Variants in SGCE observed in about 807,000 individuals in gnomAD.
The protein encoded by SGCE is epsilon-sarcoglycan.
In SGCE, 26 loss-of-function variants were observed where a neutral mutation model predicts 57.8. The ratio of observed to expected loss-of-function variants is 0.45; its 90% CI spans 0.33 to 0.62. SGCE has a LOEUF of 0.62. Ranked by LOEUF, SGCE falls within the 20% of genes least tolerant of loss-of-function variation. SGCE has a pLI of 0.02. For missense variants in SGCE, 468 were observed against 548.6 expected (o/e 0.85, Z 1.47); for synonymous variants, 183 against 189.5 (o/e 0.97, Z 0.28).
intron 2 of SGCE, 23 bp downstream of exon 2, chr7:94,629,696 T>C (rs1804365120): frequency 1.9e-6 from 3 of 1,610,116 alleles, no homozygotes; most frequent in Admixed American, 3.3e-5. Flanking sequence ...TTAACTGCTT[T>C]TTTTTCCTCA....
intron 9 of SGCE, among the ~76,000 whole-genome samples, chr7:94,592,203 C>T (rs1797782184): frequency 6.6e-6 from 1 of 152,148 alleles, no homozygotes; most frequent in African/African-American, 2.4e-5. Flanking sequence ...ATATTTAAAA[C>T]TGTGTATTTC....
intron 1 of SGCE, among the ~76,000 whole-genome samples, chr7:94,645,801 A>C (rs1335797880): frequency 6.6e-6 from 1 of 152,188 alleles, no homozygotes; most frequent in Non-Finnish European, 1.5e-5. Context: ...GATGTCCCCC[A>C]AAAATGAAAA....
At chr7:94,628,687 G>A (rs1047707704) in intron 2 of SGCE, 2 of 280,554 alleles carry the variant, frequency 7.1e-6, no homozygotes, top group Non-Finnish European at 1.4e-5. Context: ...TCATGCTAAT[G>A]TACTCATTCT....
intron 1 of SGCE, among the ~76,000 whole-genome samples, chr7:94,648,772 C>T (rs1055283994): frequency 2.6e-5 from 4 of 152,168 alleles, no homozygotes; most frequent in African/African-American, 9.7e-5. Context: ...AACAAAAAAC[C>T]TCAGGGCTAT....
chr7:94,634,241 C>A (rs1461724506), intron 1 of SGCE, among the ~76,000 whole-genome samples: 2 of 152,076 alleles, frequency 1.3e-5, no homozygotes, highest in Non-Finnish European at 2.9e-5. Context: ...TTACCAGAAC[C>A]ACATGAAATG....
intron 1 of SGCE, among the ~76,000 whole-genome samples, chr7:94,653,020 T>A (rs1175431845): frequency 6.6e-6 from 1 of 152,182 alleles, no homozygotes; most frequent in African/African-American, 2.4e-5. Context: ...GATGCATAGA[T>A]CTATAGCAAA....
intron 5 of SGCE, among the ~76,000 whole-genome samples, chr7:94,614,958 CAG>C (rs1181693567): frequency 6.6e-6 from 1 of 152,098 alleles, no homozygotes; most frequent in Non-Finnish European, 1.5e-5. Flanking sequence ...AAAATTGATA[CAG>C]GTTTCCAATT....
Position 94,585,147 on chromosome 7 carries a change from TA to T in SGCE, c.*351del. On this transcript the variant is annotated 3_prime_UTR_variant, in exon 11 of 11. Transcript: ENST00000648936. ...GTCTTGTGGAATGAGAATGAACACA[TA>T]AACCTGTTTCTAGCGATTAAAAGAT... 4.4e-6 allele frequency: 1 copy of T among 227,172 alleles called. No individual in the cohort carries two copies. The highest frequency in any genetic ancestry group is 8.7e-6 in the Non-Finnish European group (1 of 115,198). 14.1% of individuals were successfully genotyped at this position (227,172 alleles called of 1,614,324 possible).
At chr7:94,609,874 T>TA (rs1800733851) in intron 5 of SGCE, among the ~76,000 whole-genome samples, 1 of 152,170 alleles carries the variant, frequency 6.6e-6, no homozygotes, top group Non-Finnish European at 1.5e-5. Context: ...CCAAAGGAGT[T>TA]AAAACTTATT....
chr7:94,639,392 G>C (rs1335168609), intron 1 of SGCE: 2 of 1,535,542 alleles, frequency 1.3e-6, no homozygotes, highest in East Asian at 2.4e-5. Context: ...TTGTTGGCCT[G>C]TCTGGTCTTC....
At chr7:94,618,672 A>T in intron 5 of SGCE, 86 bp downstream of exon 5, 1 of 1,098,748 alleles carries the variant, frequency 9.1e-7, no homozygotes, top group Non-Finnish European at 1.4e-6. Flanking sequence ...AAAATGCAAT[A>T]GGCCATCTTC....
rs751437000 is a variant in SGCE, at chr7:94,588,734, T to C, written c.1254-2A>G. 6.2e-7 allele frequency: 1 copy of C among 1,613,026 alleles called. No homozygotes were observed. Among genetic ancestry groups the C allele is most frequent in the South Asian group, 1.1e-5 (1 of 91,066 alleles). ...ATCTGAGTCTGATGTGGCAAGTTCC[T>C]AGAAATGATGAACATTTTTGAGTAA... On this transcript the variant is annotated splice_acceptor_variant, in intron 9 of 10. Coordinates refer to ENST00000648936, the MANE Select transcript of SGCE (RefSeq NM_003919.3). LOFTEE classifies it high-confidence loss of function.
At chr7:94,610,265 A>T (rs898943354) in intron 5 of SGCE, among the ~76,000 whole-genome samples, 2 of 152,168 alleles carry the variant, frequency 1.3e-5, no homozygotes, top group Non-Finnish European at 2.9e-5. Context: ...ACTCTGTATG[A>T]TACTATAATG....
intron 1 of SGCE, among the ~76,000 whole-genome samples, chr7:94,636,683 G>C (rs1386675031): frequency 1.3e-5 from 2 of 152,172 alleles, no homozygotes; most frequent in Non-Finnish European, 2.9e-5. Context: ...ACTGGGTGCT[G>C]AGGTAGAATG....
At chr7:94,606,221 CTT>C (rs1800114814) in intron 5 of SGCE, among the ~76,000 whole-genome samples, 1 of 152,122 alleles carries the variant, frequency 6.6e-6, no homozygotes, top group Non-Finnish European at 1.5e-5. Context: ...CAACTATACT[CTT>C]TATAAAAAAT....
chr7:94,646,987 G>T (rs976541592), intron 1 of SGCE, among the ~76,000 whole-genome samples: 2 of 152,026 alleles, frequency 1.3e-5, no homozygotes, highest in Admixed American at 1.3e-4. Flanking sequence ...AATCGTCCTC[G>T]TGTCTTTCCA....
At chr7:94,586,074 AAAAAAAAAAAAAAC>A (rs1363341763) in intron 10 of SGCE, among the ~76,000 whole-genome samples, 28 of 150,026 alleles carry the variant, frequency 1.9e-4, no homozygotes, top group Non-Finnish European at 2.5e-4. Context: ...AAAAAAAAAA[AAAAAAAAAAAAAAC>A]AACAACTTCA....
At chr7:94,587,498 A>T (rs542582678) in intron 10 of SGCE, 2 of 1,292,910 alleles carry the variant, frequency 1.5e-6, no homozygotes, top group Middle Eastern at 2.9e-4. Context: ...TCGTAGAAGT[A>T]TTCTTTTAGA....
intron 9 of SGCE, among the ~76,000 whole-genome samples, chr7:94,593,063 TA>T (rs1797919690): frequency 6.6e-6 from 1 of 152,124 alleles, no homozygotes; most frequent in Non-Finnish European, 1.5e-5. Flanking sequence ...TATTAAAACT[TA>T]ATTTTTATTT....
Sources: gnomAD v4.1 joint callset for allele counts (sites outside exome capture counted in the v4.1 genomes callset) on GRCh38, gnomAD v4.1.1 for gene constraint, MANE v1.5 for transcripts, NCBI Gene and HGNC (gene_info 2026-07-23, HGNC 2026-07-21) for gene names.